Variants in RAPGEF5 observed in about 807,000 individuals in gnomAD.
The protein encoded by RAPGEF5 is Rap guanine nucleotide exchange factor 5, also known as M-Ras-regulated GEF.
A neutral mutation model predicts 125.2 loss-of-function variants in RAPGEF5; 65 were observed. That is an observed-to-expected ratio of 0.52 (90% CI 0.43 to 0.64). RAPGEF5 has a LOEUF of 0.64. RAPGEF5 is among the 30% of genes least tolerant of loss of function. The pLI, the probability that RAPGEF5 is intolerant of heterozygous loss-of-function variation, is 0.00. For synonymous variants in RAPGEF5, 391 were observed against 385.9 expected (o/e 1.01, Z -0.16); for missense variants, 958 against 1,048.1 (o/e 0.91, Z 1.19).
chr7:22,271,756 GCTTT>G, intron 6 of RAPGEF5, among the ~76,000 whole-genome samples: 1 of 152,168 alleles, frequency 6.6e-6, no homozygotes, highest in East Asian at 1.9e-4. Context: ...AAATGTTTTG[GCTTT>G]CTATCTTGGA....
At chr7:22,210,179 A>T (rs536340209) in intron 9 of RAPGEF5, among the ~76,000 whole-genome samples, 1 of 152,332 alleles carries the variant, frequency 6.6e-6, no homozygotes, top group Admixed American at 6.5e-5. Flanking sequence ...GGTGAAAAAT[A>T]ATGCATCATC....
At chr7:22,330,037 A>G (rs557889035) in intron 1 of RAPGEF5, among the ~76,000 whole-genome samples, 5 of 152,238 alleles carry the variant, frequency 3.3e-5, no homozygotes, top group Non-Finnish European at 5.9e-5. Context: ...TATATAAAAA[A>G]GCTATGAAGC....
intron 9 of RAPGEF5, among the ~76,000 whole-genome samples, chr7:22,196,011 T>C (rs1426673980): frequency 1.3e-5 from 2 of 152,234 alleles, no homozygotes; most frequent in Non-Finnish European, 2.9e-5. Flanking sequence ...GTAACTAATA[T>C]GTATTACATG....
At chr7:22,188,495 A>T (rs1168605719) in intron 11 of RAPGEF5, among the ~76,000 whole-genome samples, 1 of 152,148 alleles carries the variant, frequency 6.6e-6, no homozygotes, top group Non-Finnish European at 1.5e-5. Flanking sequence ...AGCCGGGCGC[A>T]GTGGCTCACA....
chr7:22,285,905 G>C (rs757320245), intron 6 of RAPGEF5, among the ~76,000 whole-genome samples: 4 of 152,194 alleles, frequency 2.6e-5, no homozygotes, highest in Non-Finnish European at 2.9e-5. Context: ...TGAGCCAGAA[G>C]ACAGAGAAGA....
At chr7:22,212,353 C>G (rs908730348) in intron 9 of RAPGEF5, among the ~76,000 whole-genome samples, 1 of 152,140 alleles carries the variant, frequency 6.6e-6, no homozygotes, top group South Asian at 2.1e-4. Flanking sequence ...GATTCTGTCT[C>G]TCTCTCTCTC....
rs149187437 is a variant in RAPGEF5, at chr7:22,146,829, T to A, written c.2007+68A>T. 8.0e-3 allele frequency: 12,363 copies of A among 1,537,916 alleles called. 69 individuals carry two copies. Among genetic ancestry groups the A allele is most frequent in the Middle Eastern group, 0.014 (81 of 5,758 alleles). ...AGCATAATTTCATCACCGCACGCAT[T>A]GATATTCTTCACAAAGAATTCACAG... On this transcript the variant is annotated intron_variant, in intron 19 of 25. Coordinates refer to ENST00000665637, the MANE Select transcript of RAPGEF5 (RefSeq NM_012294.5).
At chr7:22,153,263 A>C (rs1428807650) in intron 17 of RAPGEF5, among the ~76,000 whole-genome samples, 2 of 152,188 alleles carry the variant, frequency 1.3e-5, no homozygotes, top group African/African-American at 4.8e-5. Context: ...CAGTATTGAT[A>C]AAGCTTAATA....
At chr7:22,150,296 C>T (rs2128107048) in intron 18 of RAPGEF5, 111 bp downstream of exon 18, 3 of 1,107,844 alleles carry the variant, frequency 2.7e-6, no homozygotes, top group Non-Finnish European at 3.8e-6. Context: ...TGGTCTCAAA[C>T]TTCTGAGCTC....
chr7:22,193,449 C>G lies in RAPGEF5; in HGVS notation c.1122G>C (p.Val374=). The change falls in exon 11 of 26, where the codon GTG becomes GTC. Residue 374 remains valine, a synonymous_variant. Coordinates refer to ENST00000665637, the MANE Select transcript of RAPGEF5 (RefSeq NM_012294.5). The part of the protein sequence containing the change: ...AGSAESHWRY[V]VVSGTPEKIL... ...TCTTCTCCGGGGTCCCGGACACCACCACATATCTGTCAGAGAGCAGAGAGT... is the reference window on the plus strand; with the variant it reads ...TCTTCTCCGGGGTCCCGGACACCACGACATATCTGTCAGAGAGCAGAGAGT... The G allele has an allele frequency of 1.9e-6, 3 of 1,589,912 alleles. No homozygotes were observed. The highest frequency in any genetic ancestry group is 1.2e-5 in the South Asian group (1 of 86,880).
chr7:22,221,475 T>A (rs1213631757), intron 8 of RAPGEF5, among the ~76,000 whole-genome samples: 1 of 152,200 alleles, frequency 6.6e-6, no homozygotes, highest in Admixed American at 6.5e-5. Flanking sequence ...CAGATATATA[T>A]CTGATATGGT....
rs1042413633 is a variant in RAPGEF5, at chr7:22,118,350, A to G, written c.*4056T>C. ...TATTTGGAAAAGCAGTTTTAAAAAA[A>G]AATTGAAAATACAAGATAAGGTAAG... On this transcript the variant is annotated 3_prime_UTR_variant, in exon 26 of 26. Coordinates refer to ENST00000665637, the MANE Select transcript of RAPGEF5 (RefSeq NM_012294.5). The G allele has an allele frequency of 6.6e-6, 1 of 152,656 alleles. No homozygotes were observed. Among genetic ancestry groups the G allele is most frequent in the Non-Finnish European group, 1.5e-5 (1 of 68,044 alleles). The allele number at this position is 152,656 out of a possible 1,614,324, so 9.5% of individuals were successfully genotyped here.
At chr7:22,252,051 A>T (rs1362595934) in intron 7 of RAPGEF5, among the ~76,000 whole-genome samples, 1 of 152,120 alleles carries the variant, frequency 6.6e-6, no homozygotes, top group Non-Finnish European at 1.5e-5. Context: ...CAATGCTGGA[A>T]GCTGCTTCTT....
At chr7:22,133,381 G>T (rs1030365665) in intron 23 of RAPGEF5, among the ~76,000 whole-genome samples, 1 of 152,252 alleles carries the variant, frequency 6.6e-6, no homozygotes, top group Admixed American at 6.5e-5. Flanking sequence ...ACAAATGAGA[G>T]GTTGGGCTGA....
chr7:22,181,924 A>G (rs1449559204), intron 11 of RAPGEF5, among the ~76,000 whole-genome samples: 1 of 152,196 alleles, frequency 6.6e-6, no homozygotes, highest in African/African-American at 2.4e-5. Flanking sequence ...CTCCCACACA[A>G]AGAATATCTC....
chr7:22,197,893 T>TA (rs139871450), intron 9 of RAPGEF5, among the ~76,000 whole-genome samples: 39 of 116,296 alleles, frequency 3.4e-4, no homozygotes, highest in African/African-American at 1.2e-3. Flanking sequence ...TCTTTTTTTT[T>TA]GGGGGGGGGT....
intron 6 of RAPGEF5, among the ~76,000 whole-genome samples, chr7:22,272,201 G>T (rs1013845961): frequency 6.6e-6 from 1 of 151,748 alleles, no homozygotes; most frequent in Non-Finnish European, 1.5e-5. Context: ...AAAATTAGCC[G>T]AGTATGGTGC....
chr7:22,238,879 A>G (rs2128135795), intron 7 of RAPGEF5, among the ~76,000 whole-genome samples: 1 of 152,352 alleles, frequency 6.6e-6, no homozygotes, highest in East Asian at 1.9e-4. Flanking sequence ...TGAGTAAAGG[A>G]GACAGTTAAG....
chr7:22,252,252 G>GT (rs1786642463), intron 7 of RAPGEF5, among the ~76,000 whole-genome samples: 1 of 152,154 alleles, frequency 6.6e-6, no homozygotes, highest in Non-Finnish European at 1.5e-5. Flanking sequence ...ACAGTAACCT[G>GT]CTCTGGGCAA....
Sources: gnomAD v4.1 joint callset for allele counts (sites outside exome capture counted in the v4.1 genomes callset) on GRCh38, gnomAD v4.1.1 for gene constraint, MANE v1.5 for transcripts, NCBI Gene and HGNC (gene_info 2026-07-23, HGNC 2026-07-21) for gene names.